Variants in ROBO2 observed in about 807,000 individuals in gnomAD.
The protein encoded by ROBO2 is roundabout guidance receptor 2, also known as roundabout homolog 2.
In ROBO2, 53 loss-of-function variants were observed where a neutral mutation model predicts 160.8. The observed-to-expected ratio is 0.33, with a 90% CI of 0.26 to 0.41. The LOEUF (loss-of-function observed/expected upper bound fraction) is 0.41. ROBO2 is among the 10% of genes least tolerant of loss of function. The pLI, the probability that ROBO2 is intolerant of heterozygous loss-of-function variation, is 1.00. For synonymous variants in ROBO2, 664 were observed against 611.7 expected, an observed-to-expected ratio of 1.09 and a Z score of -1.26; for missense variants, 1,577 against 1,722.4, an observed-to-expected ratio of 0.92 and a Z score of 1.49.
chr3:76,693,279 T>TAC (rs1201526103), intron 2 of ROBO2, among the ~76,000 whole-genome samples: 1 of 149,916 alleles, frequency 6.7e-6, no homozygotes, highest in African/African-American at 2.4e-5. Context: ...TCTCTCTATA[T>TAC]ATAGTGTGTA....
intron 2 of ROBO2, among the ~76,000 whole-genome samples, chr3:76,908,151 T>C (rs2075741946): frequency 6.6e-6 from 1 of 152,098 alleles, no homozygotes; most frequent in Non-Finnish European, 1.5e-5. Flanking sequence ...GCCTTTCTGT[T>C]TTAATACCAT....
chr3:76,503,261 G>A (rs148558017), intron 2 of ROBO2, among the ~76,000 whole-genome samples: 1 of 152,110 alleles, frequency 6.6e-6, no homozygotes, highest in Non-Finnish European at 1.5e-5. Context: ...TTATATTCGC[G>A]GGAAGCTGGT....
chr3:77,588,670 C>A, intron 16 of ROBO2, 81 bp from the exon 18 acceptor site: 1 of 1,335,858 alleles, frequency 7.5e-7, no homozygotes, highest in Non-Finnish European at 1.1e-6. Flanking sequence ...AATAATTTTT[C>A]TTCATTTTTG....
At chr3:77,631,388 T>A (rs1368209112) in intron 23 of ROBO2, 1 of 152,162 alleles carries the variant, frequency 6.6e-6, no homozygotes, top group African/African-American at 2.4e-5. Context: ...AATTAAATGG[T>A]CTATAGCATT....
chr3:77,613,702 GTTATA>G (rs1241465165), intron 21 of ROBO2, among the ~76,000 whole-genome samples: 2 of 152,140 alleles, frequency 1.3e-5, no homozygotes, highest in African/African-American at 2.4e-5. Flanking sequence ...TTTTTAAGGT[GTTATA>G]TTAGATGTAA....
chr3:76,099,310 A>G (rs1042383420), intron 2 of ROBO2, among the ~76,000 whole-genome samples: 5 of 152,056 alleles, frequency 3.3e-5, no homozygotes, highest in African/African-American at 1.2e-4. Context: ...AGGATAATAT[A>G]TTTAGTCCTT....
At chr3:77,609,787 TATAC>T (rs992400494) in intron 21 of ROBO2, among the ~76,000 whole-genome samples, 1 of 100,758 alleles carries the variant, frequency 9.9e-6, no homozygotes, top group African/African-American at 3.6e-5. Flanking sequence ...AAACTTTATA[TATAC>T]ATATATATAT....
At chr3:76,023,396 A>G (rs1012637242) in intron 2 of ROBO2, among the ~76,000 whole-genome samples, 4 of 151,582 alleles carry the variant, frequency 2.6e-5, no homozygotes, top group African/African-American at 9.7e-5. Flanking sequence ...AAAGTGAGAG[A>G]TGTATGATGC....
rs528985991 is a variant in ROBO2 at position 76,183,782 on chromosome 3, A to G, written c.109+246180A>G. On this transcript the variant is annotated intron_variant, in intron 2 of 26. Coordinates refer to the ROBO2 transcript ENST00000487694. The stretch of plus-strand genomic sequence containing the variant: ...ATGTTTATAAGTTGAATTATAAAAA[A>G]TAAAGTTCTTAGAGGCTAATGTTGC... Among the ~76,000 whole-genome samples the G allele has an allele frequency of 4.6e-5, 7 of 152,272 alleles. 1 individual carries two copies. The highest frequency in any genetic ancestry group is 2.0e-4 in the Admixed American group (3 of 15,282).
intron 2 of ROBO2, among the ~76,000 whole-genome samples, chr3:76,805,130 A>C (rs977113459): frequency 1.3e-5 from 2 of 152,128 alleles, no homozygotes; most frequent in Non-Finnish European, 2.9e-5. Flanking sequence ...TGTTAAATGA[A>C]TAAGTAAACA....
intron 2 of ROBO2, among the ~76,000 whole-genome samples, chr3:77,163,789 G>A (rs2078702463): frequency 6.6e-6 from 1 of 152,014 alleles, no homozygotes; most frequent in Non-Finnish European, 1.5e-5. Flanking sequence ...TATAATCTTT[G>A]AACTGAATAT....
intron 2 of ROBO2, among the ~76,000 whole-genome samples, chr3:76,604,882 A>C (rs1047857056): frequency 6.6e-6 from 1 of 152,164 alleles, no homozygotes. Context: ...ATCTCTAGGA[A>C]AATTGTAAGT....
At chr3:77,340,837 G>C (rs77081229) in intron 2 of ROBO2, among the ~76,000 whole-genome samples, 4,652 of 152,082 alleles carry the variant, frequency 0.031, 244 homozygotes, top group African/African-American at 0.1. Context: ...GCTTGATACA[G>C]AATAATTAGC....
chr3:76,753,273 G>T (rs2060781660), intron 2 of ROBO2, among the ~76,000 whole-genome samples: 1 of 151,768 alleles, frequency 6.6e-6, no homozygotes, highest in Non-Finnish European at 1.5e-5. Context: ...ATGGTGATTA[G>T]AGCAAGAAAA....
chr3:77,372,349 C>T (rs2071891769), intron 2 of ROBO2, among the ~76,000 whole-genome samples: 2 of 152,062 alleles, frequency 1.3e-5, no homozygotes, highest in South Asian at 4.2e-4. Context: ...TTAAAATAAT[C>T]CTTAAGTTTC....
At chr3:76,441,365 G>A (rs993085003) in intron 2 of ROBO2, among the ~76,000 whole-genome samples, 3 of 152,150 alleles carry the variant, frequency 2.0e-5, no homozygotes, top group Non-Finnish European at 2.9e-5. Context: ...AGAAATTTAA[G>A]ACAAACATTT....
At chr3:76,589,574 T>C (rs2086283919) in intron 2 of ROBO2, among the ~76,000 whole-genome samples, 1 of 152,220 alleles carries the variant, frequency 6.6e-6, no homozygotes, top group Non-Finnish European at 1.5e-5. Flanking sequence ...TTATAAACAA[T>C]GTTCTCTAAA....
chr3:77,162,333 G>T (rs930044050), intron 2 of ROBO2, among the ~76,000 whole-genome samples: 5 of 152,120 alleles, frequency 3.3e-5, no homozygotes, highest in Non-Finnish European at 7.4e-5. Flanking sequence ...ATTCTGAATG[G>T]TGGATAGATA....
chr3:76,423,992 C>T (rs1461906245), intron 2 of ROBO2, among the ~76,000 whole-genome samples: 1 of 152,096 alleles, frequency 6.6e-6, no homozygotes, highest in Non-Finnish European at 1.5e-5. Context: ...GGCTTGAGGT[C>T]CATGGGCCTC....
Sources: allele counts gnomAD v4.1 joint callset (sites outside exome capture counted in the v4.1 genomes callset), GRCh38; gene constraint gnomAD v4.1.1; transcripts MANE v1.5; gene names NCBI Gene and HGNC (gene_info 2026-07-23, HGNC 2026-07-21).